The following ZNF214 variants were observed in gnomAD, a reference collection of about 807,000 sequenced individuals.
The protein encoded by ZNF214 is BWSCR2-associated zinc finger protein 1.
In ZNF214, 43 loss-of-function variants were observed where a neutral mutation model predicts 53.9. That is an observed-to-expected ratio of 0.80 (90% CI 0.63 to 1.03). The LOEUF (loss-of-function observed/expected upper bound fraction) is 1.03. ZNF214 is among the 50% of genes least tolerant of loss of function. ZNF214 has a pLI of 0.00. For missense variants in ZNF214, 724 were observed against 719.1 expected (o/e 1.01, Z -0.08); for synonymous variants, 217 against 229.5 (o/e 0.95, Z 0.49).
At chr11:7,001,898 C>T (rs2638089) in intron 2 of ZNF214, among the ~76,000 whole-genome samples, 138,019 of 151,922 alleles carry the variant, frequency 0.91, 63,485 homozygotes, top group East Asian at 1. Context: ...TAGATTACTT[C>T]ATTTTGTATG....
intron 1 of ZNF214, among the ~76,000 whole-genome samples, chr11:7,010,280 G>A (rs1180701303): frequency 1.3e-5 from 2 of 152,074 alleles, no homozygotes; most frequent in Non-Finnish European, 2.9e-5. Context: ...CAACATGGAT[G>A]GAGCTGCAGG....
chr11:7,017,687 C>T lies in ZNF214; in HGVS notation c.-21+2386G>A, dbSNP rs377236446. Reference sequence around the variant, plus strand: ...CAGGGAGGCTGAGGTTGCAGTGAGCCGAGATTATGCCACTGCACTCCAGTC... The same window carrying T: ...CAGGGAGGCTGAGGTTGCAGTGAGCTGAGATTATGCCACTGCACTCCAGTC... On this transcript the variant is annotated intron_variant, in intron 1 of 2. Coordinates refer to ENST00000278314, the MANE Select transcript of ZNF214 (RefSeq NM_013249.4). Among the ~76,000 whole-genome samples, 16 of 150,424 alleles carry T rather than the reference C, an allele frequency of 1.1e-4. No individual in the cohort carries two copies. In the South Asian group the frequency reaches 2.7e-3, roughly 26 times the overall value.
chr11:7,013,635 G>A (rs1274654643), intron 1 of ZNF214, among the ~76,000 whole-genome samples: 1 of 152,154 alleles, frequency 6.6e-6, no homozygotes, highest in Non-Finnish European at 1.5e-5. Flanking sequence ...GTACAATAGC[G>A]ATGGCCCCCT....
Position 7,000,532 on chromosome 11 carries a change from T to G in ZNF214, c.1151A>C (p.Lys384Thr), listed in dbSNP as rs1851309320. The change falls in exon 3 of 3, where the codon AAA becomes ACA. Residue 384 changes from lysine (K) to threonine (T), a missense_variant. Physicochemically the swap from Lys to Thr is moderately conservative, Grantham distance 78. Transcript: ENST00000278314. The part of the protein sequence containing the change: ...HVHQRVHTGE[K>T]PYKCDECGKG... ...ACCACACTCATCACACTTATATGGT[T>G]TTTCTCCTGTGTGGACTCTCTGATG... 8.1e-6 allele frequency: 13 copies of G among 1,612,140 alleles called. No individual in the cohort carries two copies. Among genetic ancestry groups the G allele is most frequent in the Non-Finnish European group, 1.1e-5 (13 of 1,179,166 alleles).
rs867209791 is a variant in ZNF214 at position 7,000,446 on chromosome 11, A to G, written c.1237T>C (p.Ser413Pro). 1 of 1,613,142 alleles carries G rather than the reference A, an allele frequency of 6.2e-7. No homozygotes were observed. The highest frequency in any genetic ancestry group is 8.5e-7 in the Non-Finnish European group (1 of 1,179,566). The change falls in exon 3 of 3, where the codon TCT becomes CCT. Residue 413 changes from serine (S) to proline (P), a missense_variant. Ser to Pro is a moderately conservative substitution (Grantham distance 74). Transcript: ENST00000278314. Reference sequence around the variant, plus strand: ...TTACCACAGTCTTCACATTTATAAGACTTCTCTCCTGTGTGTACTAACTGA... The same window carrying G: ...TTACCACAGTCTTCACATTTATAAGGCTTCTCTCCTGTGTGTACTAACTGA... The part of the protein sequence containing the change: ...IHQLVHTGEK[S>P]YKCEDCGKGF...
chr11:6,998,447 A>G lies in ZNF214; in HGVS notation c.*1415T>C, dbSNP rs1851237348. ...ACTGGACCTCCATCCTCTGATATTC[A>G]TATCTGTTCTTTCTTAGTTTCCATC... is the stretch of plus-strand genomic sequence containing the variant. On this transcript the variant is annotated 3_prime_UTR_variant, in exon 3 of 3. Transcript: ENST00000278314. Among the ~76,000 whole-genome samples, 1 of 151,974 alleles carries G rather than the reference A, an allele frequency of 6.6e-6. No individual in the cohort carries two copies. The highest frequency in any genetic ancestry group is 1.5e-5 in the Non-Finnish European group (1 of 67,922).
At position 7,000,407 on chromosome 11, in the gene ZNF214, G is replaced by T. The variant is rs754106018; in HGVS notation, c.1276C>A (p.Arg426Ser). ...CEDCGKGFTQ[R>S]SNLQIHQRVH... ...CTCTGATGAATTTGAAGATTTGAGC[G>T]CTGGGTAAAGCCTTTACCACAGTCT... is the stretch of plus-strand genomic sequence containing the variant. Residue 426 changes from arginine (R) to serine (S), a missense_variant, in exon 3 of 3, where the codon CGC (arginine) becomes AGC (serine). Arg to Ser is a moderately radical substitution (Grantham distance 110, BLOSUM62 -1). Transcript: ENST00000278314. 6.2e-6 allele frequency: 10 copies of T among 1,613,042 alleles called. No homozygotes were observed. In the African/African-American group the frequency reaches 1.2e-4, roughly 19 times the overall value.
At chr11:7,006,414 A>G (rs1364834438) in intron 1 of ZNF214, among the ~76,000 whole-genome samples, 1 of 152,082 alleles carries the variant, frequency 6.6e-6, no homozygotes, top group African/African-American at 2.4e-5. Flanking sequence ...CCTTTTCAAG[A>G]AAGGTCAGTT....
Position 7,001,394 on chromosome 11 carries a change from G to C in ZNF214, c.289C>G (p.Gln97Glu), listed in dbSNP as rs1037385153. 1 of 1,613,134 alleles carries C rather than the reference G, an allele frequency of 6.2e-7. No individual in the cohort carries two copies. The highest frequency in any genetic ancestry group is 8.5e-7 in the Non-Finnish European group (1 of 1,179,430). ...TCCTGACACTGGGAACGATCTTGCT[G>C]TGTGAGGTCTTTGGAATCTGTCCCT... ...VQGTDSKDLT[Q>E]QDRSQCQEWL... Residue 97 changes from glutamine to glutamate, a missense_variant, in exon 3 of 3, where the codon CAG becomes GAG. By Grantham distance (29) the Gln-to-Glu change is conservative. Coordinates refer to ENST00000278314, the MANE Select transcript of ZNF214 (RefSeq NM_013249.4).
intron 1 of ZNF214, among the ~76,000 whole-genome samples, chr11:7,017,096 G>A (rs991860533): frequency 3.3e-5 from 5 of 152,138 alleles, no homozygotes; most frequent in African/African-American, 1.2e-4. Flanking sequence ...AAACAGTGAT[G>A]TATATCAAAA....
Position 7,019,297 on chromosome 11 carries a change from C to T in ZNF214, c.-21+776G>A, listed in dbSNP as rs1036864915. Reference sequence around the variant, plus strand: ...TATGAATGCTCTTGTTTCCTTTCAACGACCAGAAAGGAGAGCTATGAACAC... The same window carrying T: ...TATGAATGCTCTTGTTTCCTTTCAATGACCAGAAAGGAGAGCTATGAACAC... On this transcript the variant is annotated intron_variant, in intron 1 of 2. Coordinates refer to ENST00000278314, the MANE Select transcript of ZNF214 (RefSeq NM_013249.4). Among the ~76,000 whole-genome samples, 4 of 152,220 alleles carry T rather than the reference C, an allele frequency of 2.6e-5. No individual in the cohort carries two copies. The East Asian group carries it at 5.8e-4, about 22-fold the overall frequency.
intron 1 of ZNF214, among the ~76,000 whole-genome samples, chr11:7,018,768 C>T (rs954857029): frequency 6.6e-6 from 1 of 152,066 alleles, no homozygotes; most frequent in South Asian, 2.1e-4. Flanking sequence ...TCTCAAAGTG[C>T]TGGGATTACA....
At chr11:7,016,742 G>A (rs1217795069) in intron 1 of ZNF214, among the ~76,000 whole-genome samples, 2 of 152,082 alleles carry the variant, frequency 1.3e-5, no homozygotes, top group East Asian at 3.9e-4. Context: ...AATAACCTAA[G>A]TAGGAAGTAA....
chr11:7,000,176 A>C lies in ZNF214; in HGVS notation c.1507T>G (p.Cys503Gly). Reference protein sequence around the residue: ...TGEKPYKCEECGKGFSQRSHL... With the variant: ...TGEKPYKCEEGGKGFSQRSHL... ...GAACGCTGACTGAATCCCTTGCCAC[A>C]CTCTTCACATTTGTAGGGTTTCTCT... The change falls in exon 3 of 3, where the codon TGT (cysteine) becomes GGT (glycine). Residue 503 changes from cysteine to glycine, a missense_variant. By Grantham distance (159) the Cys-to-Gly change is radical. Transcript: ENST00000278314. 6.2e-7 allele frequency: 1 copy of C among 1,613,034 alleles called. No homozygotes were observed. Among genetic ancestry groups the C allele is most frequent in the South Asian group, 1.1e-5 (1 of 91,018 alleles).
At chr11:7,015,963 C>T (rs530669439) in intron 1 of ZNF214, 1 of 151,800 alleles carries the variant, frequency 6.6e-6, no homozygotes, top group South Asian at 2.1e-4. Flanking sequence ...ACAAAGGTTA[C>T]ATCAAATTTG....
intron 1 of ZNF214, among the ~76,000 whole-genome samples, chr11:7,013,269 C>T (rs1851650588): frequency 6.6e-6 from 1 of 152,128 alleles, no homozygotes; most frequent in African/African-American, 2.4e-5. Context: ...GGACACAGAC[C>T]CCACCTTTCA....
At chr11:7,004,275 A>T (rs544590813) in intron 1 of ZNF214, among the ~76,000 whole-genome samples, 1 of 152,096 alleles carries the variant, frequency 6.6e-6, no homozygotes, top group African/African-American at 2.4e-5. Context: ...ACCAGTTTTC[A>T]CTGTGTTCTA....
At chr11:7,009,443 C>G (rs1215864103) in intron 1 of ZNF214, among the ~76,000 whole-genome samples, 1 of 152,114 alleles carries the variant, frequency 6.6e-6, no homozygotes, top group Non-Finnish European at 1.5e-5. Flanking sequence ...GGTTTAAAGA[C>G]TTACATGAAA....
chr11:7,005,942 C>T (rs1051154991), intron 1 of ZNF214, among the ~76,000 whole-genome samples: 1 of 152,040 alleles, frequency 6.6e-6, no homozygotes, highest in Admixed American at 6.6e-5. Flanking sequence ...CAAACTTACT[C>T]TCTTTCAAAA....
Sources: allele counts gnomAD v4.1 joint callset (sites outside exome capture counted in the v4.1 genomes callset), GRCh38; gene constraint gnomAD v4.1.1; transcripts MANE v1.5; gene names NCBI Gene and HGNC (gene_info 2026-07-23, HGNC 2026-07-21).